Variants in EPHA8 observed in about 807,000 individuals in gnomAD.
EPHA8 encodes ephrin type-A receptor 8.
EPHA8 carries 58 observed loss-of-function variants against 103.6 expected under a neutral mutation model. The observed-to-expected ratio is 0.56, with a 90% CI of 0.45 to 0.70. The LOEUF (loss-of-function observed/expected upper bound fraction) is 0.70. Ranked by LOEUF, EPHA8 falls within the 30% of genes least tolerant of loss-of-function variation. The pLI is 0.00. For missense variants in EPHA8, 1,304 were observed against 1,395.2 expected (o/e 0.93, Z 1.04); for synonymous variants, 559 against 572.5 (o/e 0.98, Z 0.34).
intron 2 of EPHA8, among the ~76,000 whole-genome samples, chr1:22,570,257 C>T (rs531433543): frequency 6.0e-5 from 9 of 149,502 alleles, no homozygotes; most frequent in Admixed American, 3.3e-4. Context: ...TGCACACACA[C>T]GCACGCATGT....
At chr1:22,588,102 C>T (rs1325279810) in intron 4 of EPHA8, among the ~76,000 whole-genome samples, 1 of 152,230 alleles carries the variant, frequency 6.6e-6, no homozygotes, top group Non-Finnish European at 1.5e-5. Flanking sequence ...GTTAAAAATT[C>T]TCTTCTCTTC....
intron 3 of EPHA8, among the ~76,000 whole-genome samples, chr1:22,581,445 GCCCTC>G (rs1641044473): frequency 6.6e-6 from 1 of 152,252 alleles, no homozygotes; most frequent in South Asian, 2.1e-4. Context: ...AAGAAGACCT[GCCCTC>G]CTGTCTTTGG....
chr1:22,588,514 TCACTTAC>T (rs1641279714), intron 4 of EPHA8, among the ~76,000 whole-genome samples: 1 of 151,922 alleles, frequency 6.6e-6, no homozygotes, highest in African/African-American at 2.4e-5. Flanking sequence ...AATACCTGGG[TCACTTAC>T]ACACAGGGTG....
intron 3 of EPHA8, among the ~76,000 whole-genome samples, chr1:22,581,055 C>T (rs993155317): frequency 2.0e-5 from 3 of 152,224 alleles, no homozygotes; most frequent in Admixed American, 1.3e-4. Context: ...GAGTCCCTGC[C>T]TCTGGGGACT....
Position 22,589,473 on chromosome 1 carries a change from T to G in EPHA8, c.1315+267T>G, listed in dbSNP as rs560376629. 4 of 1,474,690 alleles carry G rather than the reference T, an allele frequency of 2.7e-6. No individual in the cohort carries two copies. The South Asian group carries it at 5.9e-5, about 22-fold the overall frequency. 91.4% of individuals were successfully genotyped at this position (1,474,690 alleles called of 1,614,324 possible). ...AAAGCCTAGGTTCCAGAACTTTCCC[T>G]CTCTGTGCCTCAGTTTCCTCCCTGG... On this transcript the variant is annotated intron_variant, in intron 5 of 16. Coordinates refer to ENST00000166244, the MANE Select transcript of EPHA8 (RefSeq NM_020526.5). This position sits in a 1 kb window ranked among gnomAD's most constrained non-coding sequence, Gnocchi z 4.3.
At position 22,589,014 on chromosome 1, in the gene EPHA8, C is replaced by A; in HGVS notation, c.1123C>A (p.Arg375Ser). 1 of 1,612,996 alleles carries A rather than the reference C, an allele frequency of 6.2e-7. No homozygotes were observed. The highest frequency in any genetic ancestry group is 8.5e-7 in the Non-Finnish European group (1 of 1,179,586). ...VCRRCPWALSRCEACGSGTRF... is the reference protein window; with the variant it reads ...VCRRCPWALSSCEACGSGTRF... ...CCGCCGCTGCCCCTGGGCACTGAGCCGCTGCGAGGCATGTGGGAGCGGCAC... is the reference window on the plus strand; with the variant it reads ...CCGCCGCTGCCCCTGGGCACTGAGCAGCTGCGAGGCATGTGGGAGCGGCAC... The change falls in exon 5 of 17, where the codon CGC becomes AGC. Residue 375 changes from arginine to serine, a missense_variant. Coordinates refer to ENST00000166244, the MANE Select transcript of EPHA8 (RefSeq NM_020526.5). The surrounding 1 kb of genome is among the most constrained non-coding windows in gnomAD (Gnocchi z 4.3).
At position 22,563,734 on chromosome 1, in the gene EPHA8, G is replaced by GCGT. The variant is rs1640269249; in HGVS notation, c.94+7_94+8insTCG. The GCGT allele has an allele frequency of 6.8e-6, 1 of 147,194 alleles. No individual in the cohort carries two copies. Among genetic ancestry groups the GCGT allele is most frequent in the East Asian group, 2.0e-4 (1 of 5,052 alleles). The allele number at this position is 147,194 out of a possible 1,614,324, so 9.1% of individuals were successfully genotyped here. A position where few individuals can be genotyped will look rare whatever the true frequency, so the allele number is the denominator to read the frequency against. On this transcript the variant is annotated splice_donor_region_variant and intron_variant, in intron 1 of 16. Transcript: ENST00000166244. This position sits in a 1 kb window ranked among gnomAD's most constrained non-coding sequence, Gnocchi z 4.4. ...TGTCCGCGGCGCGCGGCGAAGGTGA[G>GCGT]CGGCGGCGGCGGGGCGGGGCAGGGG...
At chr1:22,568,632 A>G (rs1030855229) in intron 1 of EPHA8, among the ~76,000 whole-genome samples, 1 of 152,254 alleles carries the variant, frequency 6.6e-6, no homozygotes, top group African/African-American at 2.4e-5. Context: ...ATATTGGCAC[A>G]TAGTGGGTGC....
intron 13 of EPHA8, among the ~76,000 whole-genome samples, 177 bp from the exon 14 acceptor site, chr1:22,600,484 T>C (rs1557584702): frequency 6.6e-6 from 1 of 151,952 alleles, no homozygotes; most frequent in Non-Finnish European, 1.5e-5. Flanking sequence ...CCTTCCTTCG[T>C]CTCCACAGCG....
chr1:22,600,211 AGGTG>A (rs1316464997), intron 13 of EPHA8, among the ~76,000 whole-genome samples: 1 of 122,794 alleles, frequency 8.1e-6, no homozygotes, highest in Non-Finnish European at 1.7e-5. Context: ...GGAGGGAGGA[AGGTG>A]GGAGGGAAAG....
chr1:22,564,806 C>T (rs942533486), intron 1 of EPHA8, among the ~76,000 whole-genome samples: 1 of 152,150 alleles, frequency 6.6e-6, no homozygotes, highest in African/African-American at 2.4e-5. Flanking sequence ...TCTGTGCAGG[C>T]TCCCAGGGCT....
rs960442770 is a variant in EPHA8 at position 22,597,735 on chromosome 1, G to A, written c.1990G>A (p.Val664Met). The A allele has an allele frequency of 5.6e-6, 9 of 1,613,024 alleles. No individual in the cohort carries two copies. Among genetic ancestry groups the A allele is most frequent in the East Asian group, 4.5e-5 (2 of 44,878 alleles). Residue 664 changes from valine to methionine, a missense_variant, in exon 11 of 17, where the codon GTG becomes ATG. By Grantham distance (21) the Val-to-Met change is conservative. Transcript: ENST00000166244. The surrounding 1 kb of genome is among the most constrained non-coding windows in gnomAD (Gnocchi z 4.6). The part of the protein sequence containing the change: ...LRVPGQRDVP[V>M]AIKALKAGYT... Reference sequence around the variant, plus strand: ...GGTGCCAGGGCAGCGGGATGTGCCCGTGGCCATCAAGGCCCTCAAAGCCGG... The same window carrying A: ...GGTGCCAGGGCAGCGGGATGTGCCCATGGCCATCAAGGCCCTCAAAGCCGG...
intron 2 of EPHA8, among the ~76,000 whole-genome samples, chr1:22,570,490 C>T (rs1438109382): frequency 1.3e-5 from 2 of 152,268 alleles, no homozygotes; most frequent in Admixed American, 1.3e-4. Context: ...GCTCTGAGGA[C>T]AGAAGAATAA....
rs1641540008 is a variant in EPHA8, at chr1:22,597,167, T to C, written c.1766-145T>C. The C allele has an allele frequency of 1.6e-6, 1 of 626,120 alleles. No individual in the cohort carries two copies. The highest frequency in any genetic ancestry group is 1.9e-5 in the African/African-American group (1 of 53,670). The allele number at this position is 626,120 out of a possible 1,614,324, so 38.8% of individuals were successfully genotyped here. A position where few individuals can be genotyped will look rare whatever the true frequency, so the allele number is the denominator to read the frequency against. On this transcript the variant is annotated intron_variant, in intron 9 of 16. Coordinates refer to ENST00000166244, the MANE Select transcript of EPHA8 (RefSeq NM_020526.5). The surrounding 1 kb of genome is among the most constrained non-coding windows in gnomAD (Gnocchi z 4.6). ...ACCCCACTTTCACTTGGGAAATACTTATGGGGTGCGTGTTGTTTGCTACCA... is the reference window on the plus strand; with the variant it reads ...ACCCCACTTTCACTTGGGAAATACTCATGGGGTGCGTGTTGTTTGCTACCA...
In EPHA8 at chr1:22,567,574, C is replaced by T. The variant is rs1167060464; in HGVS notation, c.95-1715C>T. On this transcript the variant is annotated intron_variant, in intron 1 of 16. Coordinates refer to ENST00000166244, the MANE Select transcript of EPHA8 (RefSeq NM_020526.5). This position sits in a 1 kb window ranked among gnomAD's most constrained non-coding sequence, Gnocchi z 4.2. ...GAGCGCGGAGACCCCCTCCCTAGTT[C>T]TGCCAGCCTCACTCCAGCCGGCCTC... 6.6e-6 allele frequency among the ~76,000 whole-genome samples: 1 copy of T among 152,138 alleles called. No homozygotes were observed. The highest frequency in any genetic ancestry group is 1.5e-5 in the Non-Finnish European group (1 of 68,016).
chr1:22,573,884 G>A (rs1458832807), intron 2 of EPHA8, among the ~76,000 whole-genome samples: 2 of 152,226 alleles, frequency 1.3e-5, no homozygotes, highest in African/African-American at 2.4e-5. Flanking sequence ...GCTGGGAAGG[G>A]GCCTGGGAGT....
intron 3 of EPHA8, among the ~76,000 whole-genome samples, chr1:22,583,763 G>C (rs1024954957): frequency 6.6e-6 from 1 of 152,214 alleles, no homozygotes; most frequent in Non-Finnish European, 1.5e-5. Flanking sequence ...CTCAGATAAA[G>C]GGGGTTAGAC....
chr1:22,570,464 A>T, intron 2 of EPHA8, among the ~76,000 whole-genome samples: 1 of 152,256 alleles, frequency 6.6e-6, no homozygotes, highest in African/African-American at 2.4e-5. Flanking sequence ...TTTCATGTCC[A>T]CGTTCAGCTT....
At chr1:22,595,468 T>G (rs1352692729) in intron 8 of EPHA8, 145 bp downstream of exon 8, 6 of 615,088 alleles carry the variant, frequency 9.8e-6, no homozygotes, top group African/African-American at 3.7e-5. Context: ...CCTAGTGACA[T>G]GCCAGTGATG....
Sources: allele counts gnomAD v4.1 joint callset (sites outside exome capture counted in the v4.1 genomes callset), GRCh38; gene constraint gnomAD v4.1.1; non-coding constraint Gnocchi (gnomAD v3.1); transcripts MANE v1.5; gene names NCBI Gene and HGNC (gene_info 2026-07-23, HGNC 2026-07-21).